SUFU: variants seen among roughly 807,000 people sequenced by gnomAD.
SUFU encodes SUFU negative regulator of hedgehog signaling, also known as suppressor of fused homolog.
In SUFU, 7 loss-of-function variants were observed where a neutral mutation model predicts 58.9. The observed-to-expected ratio is 0.12, with a 90% CI of 0.07 to 0.22. The LOEUF is 0.22. Among genes scored for constraint, SUFU ranks in the 10% least tolerant of loss-of-function variants. The pLI, the probability that SUFU is intolerant of heterozygous loss-of-function variation, is 1.00. For missense variants in SUFU, 451 were observed against 641.3 expected (o/e 0.70, Z 3.20); for synonymous variants, 232 against 254.8 (o/e 0.91, Z 0.85).
chr10:102,581,641 C>T (rs1278903594), intron 3 of SUFU, among the ~76,000 whole-genome samples: 1 of 152,172 alleles, frequency 6.6e-6, no homozygotes, highest in Non-Finnish European at 1.5e-5. Flanking sequence ...TGCCAGTCTC[C>T]CCACAGGTGT....
At position 102,619,480 on chromosome 10, in the gene SUFU, T is replaced by C. The variant is rs2063721962; in HGVS notation, c.1296+2052T>C. 3.3e-6 allele frequency: 4 copies of C among 1,227,962 alleles called. No individual in the cohort carries two copies. The highest frequency in any genetic ancestry group is 4.2e-5 in the South Asian group (2 of 47,436). 76.1% of individuals were successfully genotyped at this position (1,227,962 alleles called of 1,614,324 possible). On this transcript the variant is annotated intron_variant, in intron 10 of 11. Transcript: ENST00000369902. This position sits in a 1 kb window ranked among gnomAD's most constrained non-coding sequence, Gnocchi z 4.2. ...GCTACTCAATCAAAGGCCTGTGTTATGGGCTCATTAGTGTGGTCCACCACG... is the reference window on the plus strand; with the variant it reads ...GCTACTCAATCAAAGGCCTGTGTTACGGGCTCATTAGTGTGGTCCACCACG...
In SUFU at chr10:102,590,191, A is replaced by C. The variant is rs533416292; in HGVS notation, c.455-2391A>C. ...TTTTTTTTTTTGAGACAGAGTACAG[A>C]GTCTCACACTGTCACCCAGGCTAGA... On this transcript the variant is annotated intron_variant, in intron 3 of 11. Transcript: ENST00000369902. 7.5e-5 allele frequency among the ~76,000 whole-genome samples: 8 copies of C among 106,052 alleles called. No homozygotes were observed. The East Asian group carries it at 2.0e-3, about 26-fold the overall frequency. 69.6% of individuals were successfully genotyped at this position (106,052 alleles called of 152,430 possible).
intron 3 of SUFU, among the ~76,000 whole-genome samples, chr10:102,560,334 C>T (rs1406137457): frequency 1.3e-5 from 2 of 152,068 alleles, no homozygotes; most frequent in Non-Finnish European, 2.9e-5. Flanking sequence ...CTTTGGGAGG[C>T]TGAGATGGGT....
Position 102,619,394 on chromosome 10 carries a change from G to A in SUFU, c.1296+1966G>A, listed in dbSNP as rs915768717. On this transcript the variant is annotated intron_variant, in intron 10 of 11. Transcript: ENST00000369902. This position sits in a 1 kb window ranked among gnomAD's most constrained non-coding sequence, Gnocchi z 4.2. ...CCCATGGGCTGTTGCCCAGGGAACC[G>A]GGGCGCGGTGGGAACGAGCTGCTGG... 40 of 1,382,300 alleles carry A rather than the reference G, an allele frequency of 2.9e-5. No homozygotes were observed. Among genetic ancestry groups the A allele is most frequent in the East Asian group, 2.2e-4 (8 of 37,020 alleles). 85.6% of individuals were successfully genotyped at this position (1,382,300 alleles called of 1,614,324 possible).
At chr10:102,507,795 A>G (rs1047591872) in intron 1 of SUFU, among the ~76,000 whole-genome samples, 2 of 152,112 alleles carry the variant, frequency 1.3e-5, no homozygotes, top group African/African-American at 2.4e-5. Context: ...CCCAGTTGCA[A>G]AGTGTACTCC....
intron 2 of SUFU, among the ~76,000 whole-genome samples, chr10:102,527,183 T>C (rs976418478): frequency 4.2e-4 from 64 of 151,966 alleles, no homozygotes; most frequent in African/African-American, 1.5e-3. Context: ...TTTGTATTTT[T>C]AGTAGAGACA....
At chr10:102,509,437 C>G (rs757738978) in intron 2 of SUFU, 134 bp downstream of exon 2, 4 of 1,278,974 alleles carry the variant, frequency 3.1e-6, no homozygotes, top group South Asian at 2.4e-5. Context: ...CTGACTATAT[C>G]TACTCATGCC....
chr10:102,525,379 A>G (rs927029280), intron 2 of SUFU, among the ~76,000 whole-genome samples: 6 of 151,842 alleles, frequency 4.0e-5, no homozygotes, highest in African/African-American at 1.5e-4. Flanking sequence ...CAAAGTGCTG[A>G]GATTATAAGC....
chr10:102,543,787 A>C (rs184487630), intron 2 of SUFU, among the ~76,000 whole-genome samples: 1 of 152,340 alleles, frequency 6.6e-6, no homozygotes, highest in African/African-American at 2.4e-5. Context: ...TAATGCTTAT[A>C]GTGTTCTGAG....
chr10:102,621,045 G>A (rs2063735714), intron 10 of SUFU, among the ~76,000 whole-genome samples: 2 of 152,228 alleles, frequency 1.3e-5, no homozygotes, highest in Admixed American at 1.3e-4. Flanking sequence ...ACGCCCAGCA[G>A]CTGTTCCAAG....
At chr10:102,580,524 T>C (rs935678220) in intron 3 of SUFU, among the ~76,000 whole-genome samples, 1 of 151,956 alleles carries the variant, frequency 6.6e-6, no homozygotes, top group Non-Finnish European at 1.5e-5. Context: ...GGCAGGGAAG[T>C]GGAGGGAGGT....
intron 3 of SUFU, among the ~76,000 whole-genome samples, chr10:102,590,130 C>G (rs529479248): frequency 1.3e-5 from 2 of 149,956 alleles, no homozygotes; most frequent in African/African-American, 2.4e-5. Context: ...CCACCTCCCC[C>G]CCGACTTTTT....
At chr10:102,584,765 G>C (rs117523800) in intron 3 of SUFU, among the ~76,000 whole-genome samples, 2,456 of 152,196 alleles carry the variant, frequency 0.016, 52 homozygotes, top group Non-Finnish European at 0.021. Context: ...TCAATTTTAG[G>C]GGGAAAAATA....
intron 2 of SUFU, among the ~76,000 whole-genome samples, chr10:102,520,054 G>T (rs968182582): frequency 1.3e-5 from 2 of 151,912 alleles, no homozygotes; most frequent in South Asian, 2.1e-4. Context: ...TTACAGGTGT[G>T]AGCCACCGCG....
chr10:102,559,250 AG>A (rs1281734444), intron 3 of SUFU, among the ~76,000 whole-genome samples: 1 of 152,212 alleles, frequency 6.6e-6, no homozygotes, highest in Non-Finnish European at 1.5e-5. Flanking sequence ...AGTTAGGTCA[AG>A]GATGATATTG....
Position 102,617,230 on chromosome 10 carries a change from G to C in SUFU, c.1158-60G>C, listed in dbSNP as rs2063696025. 6.2e-7 allele frequency: 1 copy of C among 1,612,700 alleles called. No homozygotes were observed. Among genetic ancestry groups the C allele is most frequent in the Admixed American group, 1.7e-5 (1 of 60,014 alleles). On this transcript the variant is annotated intron_variant, in intron 9 of 11. Coordinates refer to ENST00000369902, the MANE Select transcript of SUFU (RefSeq NM_016169.4). This position sits in a 1 kb window ranked among gnomAD's most constrained non-coding sequence, Gnocchi z 4.4. ...CTGTCCCAGAGCCTTGGCCAGGCCT[G>C]CTGTGCTTGGAACTGTTTCCAAGCC...
At chr10:102,576,930 T>C (rs142208026) in intron 3 of SUFU, among the ~76,000 whole-genome samples, 6 of 152,232 alleles carry the variant, frequency 3.9e-5, no homozygotes, top group African/African-American at 1.4e-4. Context: ...AGGCTGGTCT[T>C]GAACTCCTGG....
intron 10 of SUFU, among the ~76,000 whole-genome samples, chr10:102,624,651 T>C (rs2063770277): frequency 6.6e-6 from 1 of 152,146 alleles, no homozygotes; most frequent in Admixed American, 6.6e-5. Flanking sequence ...GAGTCCAAAA[T>C]AAGTCCACAC....
intron 3 of SUFU, among the ~76,000 whole-genome samples, chr10:102,589,442 CTTTTTTTT>C (rs747625757): frequency 4.6e-5 from 3 of 65,366 alleles, no homozygotes; most frequent in South Asian, 1.5e-3. Flanking sequence ...TTCTTTCTTT[CTTTTTTTT>C]TTTTTTTTTT....
Sources: allele counts gnomAD v4.1 joint callset (sites outside exome capture counted in the v4.1 genomes callset), GRCh38; gene constraint gnomAD v4.1.1; non-coding constraint Gnocchi (gnomAD v3.1); transcripts MANE v1.5; gene names NCBI Gene and HGNC (gene_info 2026-07-23, HGNC 2026-07-21).